EIF2A: variants seen among roughly 807,000 people sequenced by gnomAD.
EIF2A encodes eukaryotic translation initiation factor 2A.
EIF2A carries 62 observed loss-of-function variants against 75.2 expected under a neutral mutation model. The observed-to-expected ratio is 0.82, with a 90% CI of 0.67 to 1.02. The LOEUF (loss-of-function observed/expected upper bound fraction) is 1.02, where lower values mean the gene tolerates loss of function less well. Among genes scored for constraint, EIF2A ranks in the 50% least tolerant of loss-of-function variants. The probability of loss-of-function intolerance (pLI) is 0.00; values close to 1 mark genes in which losing one functional copy is unlikely to be tolerated. For synonymous variants in EIF2A, 207 were observed against 239.0 expected (o/e 0.87, Z 1.23); for missense variants, 611 against 677.7 (o/e 0.90, Z 1.09).
At chr3:150,575,879 A>AGGTT in intron 11 of EIF2A, 117 bp downstream of exon 11, 1 of 820,496 alleles carries the variant, frequency 1.2e-6, no homozygotes, top group Non-Finnish European at 1.8e-6. Context: ...ACTTGAGGTT[A>AGGTT]GAAGTTCAAG....
intron 11 of EIF2A, among the ~76,000 whole-genome samples, chr3:150,577,070 C>T (rs907318975): frequency 3.3e-5 from 5 of 152,136 alleles, no homozygotes; most frequent in Non-Finnish European, 5.9e-5. Context: ...AGCTGGGGCG[C>T]TGGCAGATTT....
At chr3:150,577,142 T>C (rs1464585963) in intron 11 of EIF2A, among the ~76,000 whole-genome samples, 1 of 152,192 alleles carries the variant, frequency 6.6e-6, no homozygotes, top group Non-Finnish European at 1.5e-5. Flanking sequence ...CCTCCCATGG[T>C]GGAAGGGGCA....
chr3:150,570,293 T>C (rs1295890233), intron 9 of EIF2A, among the ~76,000 whole-genome samples: 2 of 152,138 alleles, frequency 1.3e-5, no homozygotes, highest in Non-Finnish European at 2.9e-5. Context: ...GAAAATATGT[T>C]TTTTAAATAG....
At chr3:150,552,322 A>T in intron 1 of EIF2A, 34 bp from the exon 2 acceptor site, 1 of 1,531,244 alleles carries the variant, frequency 6.5e-7, no homozygotes. Flanking sequence ...TTATTAACAA[A>T]GTAATTGTGG....
rs761537424 is a variant in EIF2A at position 150,563,556 on chromosome 3, T to C, written c.334T>C (p.Tyr112His). Residue 112 changes from tyrosine to histidine, a missense_variant, in exon 5 of 14, where the codon TAT becomes CAT. Tyr to His is a moderately conservative substitution (Grantham distance 83). Coordinates refer to ENST00000460851, the MANE Select transcript of EIF2A (RefSeq NM_032025.5). ...GTAGIPNLQL[Y>H]DVKTGTCLKS... ...AGCTGGGATACCCAACCTACAACTT[T>C]ATGATGTGAAAACTGGGACATGTTT... 3 of 1,544,794 alleles carry C rather than the reference T, an allele frequency of 1.9e-6. No homozygotes were observed. Among genetic ancestry groups the C allele is most frequent in the Non-Finnish European group, 2.6e-6 (3 of 1,145,910 alleles).
At position 150,567,903 on chromosome 3, in the gene EIF2A, T is replaced by C; in HGVS notation, c.551T>C (p.Val184Ala). Residue 184 changes from valine to alanine, a missense_variant and splice_region_variant, in exon 8 of 14, where the codon GTG (valine) becomes GCG (alanine). Val to Ala is a moderately conservative substitution (Grantham distance 64). Coordinates refer to ENST00000460851, the MANE Select transcript of EIF2A (RefSeq NM_032025.5). ...VLSPGPQPYK[V>A]AVYVPGSKGA... ...ATGATTTATGTCTATGTATCTTAGG[T>C]GGCTGTCTATGTTCCAGGAAGTAAA... is the stretch of plus-strand genomic sequence containing the variant. The C allele has an allele frequency of 6.2e-7, 1 of 1,602,202 alleles. No homozygotes were observed.
Position 150,568,233 on chromosome 3 carries a change from A to G in EIF2A, c.752A>G (p.Tyr251Cys), listed in dbSNP as rs1724298667. ...GTTGACAAGACAGGAGCTTCCTACT[A>G]TGGAGAACAAACTCTACACTACATT... ...TDVDKTGASY[Y>C]GEQTLHYIAT... Residue 251 changes from tyrosine to cysteine, a missense_variant, in exon 9 of 14, where the codon TAT becomes TGT. By Grantham distance (194) the Tyr-to-Cys change is radical. Transcript: ENST00000460851. 1.2e-6 allele frequency: 2 copies of G among 1,613,820 alleles called. No homozygotes were observed. The highest frequency in any genetic ancestry group is 1.7e-6 in the Non-Finnish European group (2 of 1,179,784).
intron 3 of EIF2A, among the ~76,000 whole-genome samples, chr3:150,559,497 C>CTT (rs1723736898): frequency 5.6e-5 from 5 of 89,086 alleles, no homozygotes; most frequent in African/African-American, 1.7e-4. Flanking sequence ...TATGCCCAGC[C>CTT]CTTTTTTTTT....
intron 1 of EIF2A, among the ~76,000 whole-genome samples, chr3:150,551,003 G>A (rs541106954): frequency 6.6e-6 from 1 of 152,228 alleles, no homozygotes; most frequent in East Asian, 1.9e-4. Flanking sequence ...TAGCCACACA[G>A]GCCTTCTTTC....
intron 11 of EIF2A, 131 bp from the exon 12 acceptor site, chr3:150,581,487 A>G: frequency 8.6e-7 from 1 of 1,166,110 alleles, no homozygotes; most frequent in Non-Finnish European, 1.2e-6. Context: ...CCTTTAATTC[A>G]GATTCTTTAT....
chr3:150,575,694 G>C lies in EIF2A; in HGVS notation c.1429G>C (p.Asp477His). ...GAATATGAAACCACAATCAGGAAACGATAAGCCATTATCAAAAACAGCTCT... is the reference window on the plus strand; with the variant it reads ...GAATATGAAACCACAATCAGGAAACCATAAGCCATTATCAAAAACAGCTCT... ...PQNMKPQSGN[D>H]KPLSKTALKN... Residue 477 changes from aspartate to histidine, a missense_variant, in exon 11 of 14, where the codon GAT (aspartate) becomes CAT (histidine). Coordinates refer to ENST00000460851, the MANE Select transcript of EIF2A (RefSeq NM_032025.5). The C allele has an allele frequency of 3.1e-6, 5 of 1,613,138 alleles. No individual in the cohort carries two copies. The highest frequency in any genetic ancestry group is 4.2e-6 in the Non-Finnish European group (5 of 1,179,562).
chr3:150,548,055 A>C (rs1723136522), intron 1 of EIF2A, among the ~76,000 whole-genome samples: 1 of 152,198 alleles, frequency 6.6e-6, no homozygotes, highest in African/African-American at 2.4e-5. Context: ...TACAGGGTAG[A>C]TTCCATCCTA....
intron 1 of EIF2A, among the ~76,000 whole-genome samples, chr3:150,551,441 G>A (rs1215092156): frequency 1.3e-5 from 2 of 151,996 alleles, no homozygotes; most frequent in Non-Finnish European, 2.9e-5. Flanking sequence ...ATTTAAAAAA[G>A]TATAGTCTAG....
At chr3:150,583,301 C>T (rs145473239) in intron 13 of EIF2A, 36 bp downstream of exon 13, 2 of 1,585,764 alleles carry the variant, frequency 1.3e-6, no homozygotes, top group Admixed American at 1.8e-5. Flanking sequence ...CTTGTGGTGA[C>T]CACCAGCCTT....
chr3:150,572,835 A>C (rs1363012564), intron 10 of EIF2A, among the ~76,000 whole-genome samples: 2 of 150,538 alleles, frequency 1.3e-5, no homozygotes, highest in Non-Finnish European at 3.0e-5. Flanking sequence ...CAGCCTGAGC[A>C]ACAGAGTGAG....
intron 9 of EIF2A, among the ~76,000 whole-genome samples, chr3:150,570,286 A>G (rs781621096): frequency 2.6e-5 from 4 of 152,208 alleles, no homozygotes; most frequent in Non-Finnish European, 5.9e-5. Flanking sequence ...AGTTGGGGAA[A>G]ATATGTTTTT....
intron 11 of EIF2A, among the ~76,000 whole-genome samples, chr3:150,577,144 G>GCACTGCC (rs1201311694): frequency 1.3e-5 from 2 of 152,206 alleles, no homozygotes; most frequent in East Asian, 3.8e-4. Context: ...TCCCATGGTG[G>GCACTGCC]AAGGGGCAGT....
intron 3 of EIF2A, among the ~76,000 whole-genome samples, chr3:150,562,310 T>C (rs1723923824): frequency 1.3e-5 from 2 of 151,586 alleles, no homozygotes; most frequent in Admixed American, 1.3e-4. Context: ...TAGTCCCAGC[T>C]ACTTGGGAGG....
chr3:150,559,498 CTTT>C (rs36038911), intron 3 of EIF2A, among the ~76,000 whole-genome samples: 2 of 110,570 alleles, frequency 1.8e-5, no homozygotes, highest in Admixed American at 1.1e-4. Flanking sequence ...ATGCCCAGCC[CTTT>C]TTTTTTTTTT....
Sources: allele counts gnomAD v4.1 joint callset (sites outside exome capture counted in the v4.1 genomes callset), GRCh38; gene constraint gnomAD v4.1.1; transcripts MANE v1.5; gene names NCBI Gene and HGNC (gene_info 2026-07-23, HGNC 2026-07-21).